MAP3K20: variants seen among roughly 807,000 people sequenced by gnomAD.
The protein encoded by MAP3K20 is HCCS-4.
In MAP3K20, 40 loss-of-function variants were observed where a neutral mutation model predicts 85.7. The ratio of observed to expected loss-of-function variants is 0.47; its 90% CI spans 0.36 to 0.61. The LOEUF (loss-of-function observed/expected upper bound fraction) is 0.61, where lower values mean the gene tolerates loss of function less well. Ranked by LOEUF, MAP3K20 falls within the 20% of genes least tolerant of loss-of-function variation. The pLI, the probability that MAP3K20 is intolerant of heterozygous loss-of-function variation, is 0.00. For missense variants in MAP3K20, 817 were observed against 961.7 expected, an observed-to-expected ratio of 0.85 and a Z score of 1.99; for synonymous variants, 325 against 327.7, an observed-to-expected ratio of 0.99 and a Z score of 0.09.
intron 2 of MAP3K20, among the ~76,000 whole-genome samples, chr2:173,147,590 T>A (rs1242655456): frequency 6.6e-6 from 1 of 151,966 alleles, no homozygotes; most frequent in Non-Finnish European, 1.5e-5. Context: ...AACTCCAGCC[T>A]TTTTTTTCTT....
At chr2:173,144,462 C>CAAAAAAAA (rs71018537) in intron 2 of MAP3K20, among the ~76,000 whole-genome samples, 91 of 92,802 alleles carry the variant, frequency 9.8e-4, no homozygotes, top group Non-Finnish European at 1.3e-3. Context: ...GACTCCGTCT[C>CAAAAAAAA]AAAAAAAAAA....
intron 2 of MAP3K20, among the ~76,000 whole-genome samples, chr2:173,137,874 A>G (rs1688841426): frequency 3.3e-5 from 5 of 152,232 alleles, no homozygotes; most frequent in Admixed American, 3.3e-4. Context: ...TACTTGAACA[A>G]TTACCTAGCA....
At position 173,235,317 on chromosome 2, in the gene MAP3K20, G is replaced by A. The variant is rs138683137; in HGVS notation, c.1203+2858G>A. Among the ~76,000 whole-genome samples, 12 of 152,316 alleles carry A rather than the reference G, an allele frequency of 7.9e-5. No individual in the cohort carries two copies. The Middle Eastern group carries it at 0.01, about 130-fold the overall frequency. On this transcript the variant is annotated intron_variant, in intron 14 of 19. Coordinates refer to ENST00000375213, the MANE Select transcript of MAP3K20 (RefSeq NM_016653.3). ...GCTTCTGGAGTTACTTGCAGAATGA[G>A]GTATTTGGGAACAGGTTGTTGTGAT...
chr2:173,200,637 A>G (rs114338774), intron 8 of MAP3K20, among the ~76,000 whole-genome samples: 110 of 152,234 alleles, frequency 7.2e-4, no homozygotes, highest in African/African-American at 2.4e-3. Flanking sequence ...TATTACAAAG[A>G]ATCAAAAAAT....
chr2:173,141,968 A>G (rs1688988625), intron 2 of MAP3K20, among the ~76,000 whole-genome samples: 1 of 152,216 alleles, frequency 6.6e-6, no homozygotes, highest in Non-Finnish European at 1.5e-5. Flanking sequence ...ATCAATACCC[A>G]CTTAAAATAG....
chr2:173,179,704 GCACACACACA>G (rs71018541), intron 3 of MAP3K20, among the ~76,000 whole-genome samples: 129 of 146,174 alleles, frequency 8.8e-4, no homozygotes, highest in African/African-American at 3.0e-3. Flanking sequence ...TAAGGAATGC[GCACACACACA>G]CACACACACA....
chr2:173,140,168 T>C (rs1344375811), intron 2 of MAP3K20, among the ~76,000 whole-genome samples: 2 of 151,268 alleles, frequency 1.3e-5, no homozygotes. Flanking sequence ...CGTGCCACCA[T>C]GCCTAGCTAA....
chr2:173,264,024 C>A, intron 19 of MAP3K20, 129 bp downstream of exon 19: 2 of 1,298,366 alleles, frequency 1.5e-6, no homozygotes, highest in Non-Finnish European at 2.1e-6. Context: ...CTTCGAGTAG[C>A]AGAAAACCCA....
intron 2 of MAP3K20, among the ~76,000 whole-genome samples, chr2:173,101,485 C>T (rs1687637518): frequency 6.6e-6 from 1 of 152,126 alleles, no homozygotes. Context: ...TGTTCTACAG[C>T]CATGCTGGAA....
chr2:173,220,854 T>C lies in MAP3K20; in HGVS notation c.987+3604T>C, dbSNP rs574095221. Among the ~76,000 whole-genome samples the C allele has an allele frequency of 3.3e-5, 5 of 152,380 alleles. No homozygotes were observed. The East Asian group carries it at 9.6e-4, about 29-fold the overall frequency. On this transcript the variant is annotated intron_variant, in intron 11 of 19. Transcript: ENST00000375213. ...TCAAGATAAATCCTAGAAACTATTT[T>C]GTTTTAAGCAAAATGAGGGCTTAAA...
At chr2:173,192,260 AC>A (rs1690678061) in intron 7 of MAP3K20, among the ~76,000 whole-genome samples, 1 of 152,036 alleles carries the variant, frequency 6.6e-6, no homozygotes, top group African/African-American at 2.4e-5. Flanking sequence ...ACGTTGTCAG[AC>A]CTGTTTTGTT....
intron 3 of MAP3K20, among the ~76,000 whole-genome samples, chr2:173,171,499 A>AG (rs1574076413): frequency 6.6e-6 from 1 of 152,304 alleles, no homozygotes; most frequent in East Asian, 1.9e-4. Flanking sequence ...AGGATAGAAA[A>AG]GGGAACTTGA....
At chr2:173,217,646 C>CT (rs1168766706) in intron 11 of MAP3K20, among the ~76,000 whole-genome samples, 1 of 152,206 alleles carries the variant, frequency 6.6e-6, no homozygotes, top group African/African-American at 2.4e-5. Flanking sequence ...AGCTCACTGA[C>CT]TAACAGAGTC....
intron 7 of MAP3K20, chr2:173,192,860 T>C (rs1690702951): frequency 6.6e-6 from 1 of 152,232 alleles, no homozygotes; most frequent in Admixed American, 6.5e-5. Flanking sequence ...CCTCTCGTTT[T>C]GTCCTGTTGA....
intron 12 of MAP3K20, among the ~76,000 whole-genome samples, chr2:173,231,018 T>A (rs925394486): frequency 6.6e-6 from 1 of 152,068 alleles, no homozygotes; most frequent in Non-Finnish European, 1.5e-5. Context: ...TTTTTTAAGT[T>A]CTATAAAACT....
chr2:173,085,282 G>T (rs535670151), intron 1 of MAP3K20, among the ~76,000 whole-genome samples: 2 of 152,258 alleles, frequency 1.3e-5, no homozygotes, highest in African/African-American at 4.8e-5. Flanking sequence ...CTTATTTGAG[G>T]TCAACATGGA....
chr2:173,115,124 TTTG>T (rs1241914161), intron 2 of MAP3K20, among the ~76,000 whole-genome samples: 3 of 152,164 alleles, frequency 2.0e-5, no homozygotes, highest in Admixed American at 2.0e-4. Flanking sequence ...TTTCTTTGTC[TTTG>T]TTGGATTGGG....
chr2:173,170,316 G>A (rs777737529), intron 3 of MAP3K20, among the ~76,000 whole-genome samples: 4 of 152,130 alleles, frequency 2.6e-5, no homozygotes, highest in Non-Finnish European at 4.4e-5. Flanking sequence ...CAAGGTCTCT[G>A]ACATAAGAAC....
chr2:173,220,037 C>T (rs900741183), intron 11 of MAP3K20, among the ~76,000 whole-genome samples: 4 of 131,584 alleles, frequency 3.0e-5, no homozygotes, highest in African/African-American at 1.2e-4. Context: ...CACTGCACTC[C>T]AGCCTGGGCA....
Sources: gnomAD v4.1 joint callset for allele counts (sites outside exome capture counted in the v4.1 genomes callset) on GRCh38, gnomAD v4.1.1 for gene constraint, MANE v1.5 for transcripts, NCBI Gene and HGNC (gene_info 2026-07-23, HGNC 2026-07-21) for gene names.